OR51B5: variants seen among roughly 807,000 people sequenced by gnomAD.
OR51B5 encodes olfactory receptor 51B5.
For missense variants in OR51B5, 456 were observed against 374.6 expected (o/e 1.22, Z -1.79); for synonymous variants, 186 against 144.8 (o/e 1.28, Z -2.04).
chr11:5,365,515 T>A (rs963898768), intron 1 of OR51B5, among the ~76,000 whole-genome samples: 5 of 152,130 alleles, frequency 3.3e-5, no homozygotes, highest in African/African-American at 1.2e-4. Flanking sequence ...ATGCACAGGA[T>A]AGGATATGGC....
intron 1 of OR51B5, among the ~76,000 whole-genome samples, chr11:5,374,687 G>C (rs919244169): frequency 2.6e-5 from 4 of 152,318 alleles, no homozygotes; most frequent in Admixed American, 6.5e-5. Context: ...GTGAAGAATG[G>C]AGAAGCCTCA....
chr11:5,435,141 T>C (rs889421378), intron 1 of OR51B5, among the ~76,000 whole-genome samples: 1 of 152,176 alleles, frequency 6.6e-6, no homozygotes, highest in African/African-American at 2.4e-5. Flanking sequence ...AAGAGTCCAA[T>C]CTTGTACCCA....
At chr11:5,393,105 G>A (rs1453387351) in intron 1 of OR51B5, 1 of 152,094 alleles carries the variant, frequency 6.6e-6, no homozygotes, top group African/African-American at 2.4e-5. Context: ...CTAAATAAAT[G>A]ATAAATTAAA....
chr11:5,503,298 C>T (rs1417746306), intron 1 of OR51B5, among the ~76,000 whole-genome samples: 1 of 152,146 alleles, frequency 6.6e-6, no homozygotes, highest in African/African-American at 2.4e-5. Flanking sequence ...AGCACAGTTT[C>T]ATCACAGTCT....
chr11:5,410,781 C>T (rs10768935), intron 1 of OR51B5, among the ~76,000 whole-genome samples: 123,617 of 152,042 alleles, frequency 0.81, 51,296 homozygotes, highest in Non-Finnish European at 0.89. Context: ...ATCTTGATCC[C>T]GTGTAGGTCT....
intron 1 of OR51B5, among the ~76,000 whole-genome samples, chr11:5,493,159 C>A (rs2133816416): frequency 6.6e-6 from 1 of 152,176 alleles, no homozygotes; most frequent in South Asian, 2.1e-4. Flanking sequence ...TGGCCATGGC[C>A]CAGCCAAGGC....
chr11:5,489,849 T>C, intron 1 of OR51B5: 1 of 574,810 alleles, frequency 1.7e-6, no homozygotes, highest in Non-Finnish European at 3.1e-6. Context: ...TTCCTGAGGC[T>C]CCTTGGGGAA....
chr11:5,443,806 T>A (rs1850726929), intron 1 of OR51B5, among the ~76,000 whole-genome samples: 1 of 152,058 alleles, frequency 6.6e-6, no homozygotes, highest in Admixed American at 6.6e-5. Flanking sequence ...ATGTGACCTA[T>A]CTTGGAAGGA....
intron 1 of OR51B5, chr11:5,440,619 T>C: frequency 1.9e-6 from 3 of 1,613,808 alleles, no homozygotes; most frequent in Non-Finnish European, 2.5e-6. Context: ...GCGGATCTCC[T>C]TGGTTTTCAC....
At chr11:5,381,170 T>A (rs1354261011) in intron 1 of OR51B5, among the ~76,000 whole-genome samples, 1 of 123,508 alleles carries the variant, frequency 8.1e-6, no homozygotes, top group Non-Finnish European at 1.8e-5. Flanking sequence ...TCTCTCTCTC[T>A]CTCTCACACA....
At chr11:5,371,957 T>C (rs1643838486) in intron 1 of OR51B5, among the ~76,000 whole-genome samples, 1 of 152,178 alleles carries the variant, frequency 6.6e-6, no homozygotes, top group Non-Finnish European at 1.5e-5. Flanking sequence ...TTGACCTTAT[T>C]TTTCTTTTGA....
chr11:5,458,535 A>T (rs1850997753), intron 1 of OR51B5, among the ~76,000 whole-genome samples: 1 of 152,164 alleles, frequency 6.6e-6, no homozygotes, highest in Non-Finnish European at 1.5e-5. Flanking sequence ...GAATCTCTGA[A>T]TTGCTTTGGG....
At chr11:5,343,509 TGCC>T (rs762662467) in exon 1 of OR51B5, 45 of 1,052,536 alleles carry the variant, frequency 4.3e-5, no homozygotes, top group Non-Finnish European at 5.5e-5. Context: ...GGATGGGAGC[TGCC>T]GCTGGACGAC....
intron 1 of OR51B5, among the ~76,000 whole-genome samples, chr11:5,447,130 C>A (rs1325328865): frequency 6.6e-6 from 1 of 152,138 alleles, no homozygotes; most frequent in Non-Finnish European, 1.5e-5. Flanking sequence ...GATAATAATA[C>A]AATAAGAATG....
chr11:5,397,375 CA>C (rs1309961535), intron 1 of OR51B5, among the ~76,000 whole-genome samples: 1 of 152,108 alleles, frequency 6.6e-6, no homozygotes, highest in African/African-American at 2.4e-5. Context: ...AAAACCCCAT[CA>C]AAAAGTGGGC....
At chr11:5,450,813 T>C (rs904364) in intron 1 of OR51B5, among the ~76,000 whole-genome samples, 38,747 of 152,080 alleles carry the variant, frequency 0.25, 5,624 homozygotes, top group East Asian at 0.43. Context: ...AGTGAGAGCA[T>C]GCGGTGTTTG....
At position 5,342,914 on chromosome 11, in the gene OR51B5, A is replaced by G. The variant is rs202044392; in HGVS notation, c.611T>C (p.Ile204Thr). 1.9e-6 allele frequency: 3 copies of G among 1,614,028 alleles called. No homozygotes were observed. The South Asian group carries it at 3.3e-5, about 18-fold the overall frequency. The change falls in exon 1 of 1, where the codon ATA (isoleucine) becomes ACA (threonine). Residue 204 changes from isoleucine to threonine, a missense_variant. Coordinates refer to ENST00000300773, the Ensembl canonical transcript of OR51B5. ...GATAATCAGATAATCCAGCACAAAT[A>G]TAAAGACTACAAGCACAGCTGGGTA...
chr11:5,396,019 T>A (rs1213976971), intron 1 of OR51B5, among the ~76,000 whole-genome samples: 3 of 152,178 alleles, frequency 2.0e-5, no homozygotes, highest in African/African-American at 7.2e-5. Flanking sequence ...ATTTTTCAGA[T>A]GAAGAAACTA....
In OR51B5 at chr11:5,412,458, G is replaced by A. The variant is rs574041398; in HGVS notation, n.85-65548C>T. On this transcript the variant is annotated intron_variant and non_coding_transcript_variant, in intron 1 of 4. Coordinates refer to the OR51B5 transcript ENST00000415970. The stretch of plus-strand genomic sequence containing the variant: ...GTGGGCGCAGGTCAGTGGGTGCAGC[G>A]TACTGTGCGCCAGCCGAAGCAGGGC... Among the ~76,000 whole-genome samples the A allele has an allele frequency of 1.6e-4, 24 of 152,278 alleles. No individual in the cohort carries two copies. In the South Asian group the frequency reaches 2.9e-3, roughly 18 times the overall value.
Sources: allele counts gnomAD v4.1 joint callset (sites outside exome capture counted in the v4.1 genomes callset), GRCh38; gene constraint gnomAD v4.1.1; transcripts MANE v1.5; gene names NCBI Gene and HGNC (gene_info 2026-07-23, HGNC 2026-07-21).